The following AMOTL1 variants were observed in gnomAD, a reference collection of about 807,000 sequenced individuals.
AMOTL1 encodes angiomotin like 1, also known as angiomotin-like protein 1.
AMOTL1 carries 45 observed loss-of-function variants against 102.9 expected under a neutral mutation model. The observed-to-expected ratio is 0.44, with a 90% CI of 0.34 to 0.56. The LOEUF is 0.56. Ranked by LOEUF, AMOTL1 falls within the 20% of genes least tolerant of loss-of-function variation. The probability of loss-of-function intolerance (pLI) is 0.01; values close to 1 mark genes in which losing one functional copy is unlikely to be tolerated. For missense variants in AMOTL1, 1,114 were observed against 1,225.6 expected (o/e 0.91, Z 1.36); for synonymous variants, 481 against 484.7 (o/e 0.99, Z 0.10).
chr11:94,729,309 T>C (rs2851585), intron 2 of AMOTL1, among the ~76,000 whole-genome samples: 73,433 of 151,972 alleles, frequency 0.48, 19,228 homozygotes, highest in Non-Finnish European at 0.58. Context: ...ATGCCCACTT[T>C]GCAGTGTTAT....
At chr11:94,789,202 A>G (rs139550739) in intron 1 of AMOTL1, among the ~76,000 whole-genome samples, 4,953 of 152,302 alleles carry the variant, frequency 0.033, 126 homozygotes, top group Non-Finnish European at 0.051. Flanking sequence ...TCTGTCACCC[A>G]GGCTGGAGTG....
chr11:94,856,106 A>C (rs934984738), intron 8 of AMOTL1, among the ~76,000 whole-genome samples: 1 of 152,188 alleles, frequency 6.6e-6, no homozygotes, highest in Non-Finnish European at 1.5e-5. Flanking sequence ...TCTGCCTCCT[A>C]TGATATGAAA....
chr11:94,721,144 T>C (rs1565326604), intron 1 of AMOTL1, among the ~76,000 whole-genome samples: 1 of 152,106 alleles, frequency 6.6e-6, no homozygotes, highest in Admixed American at 6.6e-5. Flanking sequence ...AAATTCATTT[T>C]CCTTTGGGAT....
intron 8 of AMOTL1, among the ~76,000 whole-genome samples, chr11:94,854,575 C>G (rs1172602238): frequency 6.6e-6 from 1 of 152,072 alleles, no homozygotes; most frequent in African/African-American, 2.4e-5. Flanking sequence ...TGGGCTTTTT[C>G]TTATAGTCAA....
intron 4 of AMOTL1, among the ~76,000 whole-genome samples, chr11:94,825,860 A>G (rs997441951): frequency 6.6e-6 from 1 of 152,220 alleles, no homozygotes; most frequent in Non-Finnish European, 1.5e-5. Flanking sequence ...TTCCTTAGTA[A>G]TCCTTGTGTC....
intron 3 of AMOTL1, among the ~76,000 whole-genome samples, chr11:94,804,722 CTTATATA>C (rs968332306): frequency 6.6e-6 from 1 of 152,092 alleles, no homozygotes; most frequent in Non-Finnish European, 1.5e-5. Context: ...GTTCCTAAGA[CTTATATA>C]TTATAATGGA....
intron 2 of AMOTL1, among the ~76,000 whole-genome samples, chr11:94,798,927 G>A (rs1406364492): frequency 6.6e-6 from 1 of 152,146 alleles, no homozygotes; most frequent in Non-Finnish European, 1.5e-5. Context: ...CATTTGGGAA[G>A]GGGAGACAGC....
At chr11:94,717,963 C>A (rs1014416671) in intron 1 of AMOTL1, among the ~76,000 whole-genome samples, 1 of 151,838 alleles carries the variant, frequency 6.6e-6, no homozygotes, top group Non-Finnish European at 1.5e-5. Context: ...AGAAAACTTT[C>A]TTCCTCTCAT....
At chr11:94,787,506 G>A (rs187025846) in intron 1 of AMOTL1, among the ~76,000 whole-genome samples, 5 of 151,726 alleles carry the variant, frequency 3.3e-5, no homozygotes, top group South Asian at 4.2e-4. Context: ...TGGCTAACAC[G>A]GTGAAACCCC....
intron 6 of AMOTL1, among the ~76,000 whole-genome samples, chr11:94,834,026 A>C (rs1952124220): frequency 1.3e-5 from 2 of 152,226 alleles, no homozygotes; most frequent in Admixed American, 6.5e-5. Context: ...GTGCAAAGAT[A>C]CTCAGAAGGT....
At chr11:94,842,209 A>G (rs1952316267) in intron 6 of AMOTL1, among the ~76,000 whole-genome samples, 1 of 152,258 alleles carries the variant, frequency 6.6e-6, no homozygotes. Flanking sequence ...TAATTTCTTC[A>G]CATATAAGAC....
chr11:94,799,317 T>TG lies in AMOTL1; in HGVS notation c.200-72dup. 8.3e-7 allele frequency: 1 copy of TG among 1,205,702 alleles called. No individual in the cohort carries two copies. The highest frequency in any genetic ancestry group is 1.1e-6 in the Non-Finnish European group (1 of 875,300). 74.7% of individuals were successfully genotyped at this position (1,205,702 alleles called of 1,614,324 possible). A position where few individuals can be genotyped will look rare whatever the true frequency, so the allele number is the denominator to read the frequency against. ...GTTGCTGTAGTTAGAATGTTAATTA[T>TG]GTACCACATAGTCACAGACATATAT... On this transcript the variant is annotated intron_variant, in intron 2 of 12. Transcript: ENST00000433060. This position sits in a 1 kb window ranked among gnomAD's most constrained non-coding sequence, Gnocchi z 4.5.
intron 3 of AMOTL1, among the ~76,000 whole-genome samples, chr11:94,743,651 C>CTTTTTTTTTTTTTTTTTTTT (rs760828820): frequency 1.0e-5 from 1 of 98,188 alleles, no homozygotes; most frequent in African/African-American, 4.7e-5. Context: ...CACAATACTT[C>CTTTTTTTTTTTTTTTTTTTT]TTTTTTTTTT....
At chr11:94,815,206 G>A (rs751465604) in intron 3 of AMOTL1, among the ~76,000 whole-genome samples, 7 of 152,184 alleles carry the variant, frequency 4.6e-5, no homozygotes, top group East Asian at 3.8e-4. Flanking sequence ...TCTGCTAGAT[G>A]TAAAAATGTG....
chr11:94,828,747 G>T (rs982980935), intron 4 of AMOTL1, among the ~76,000 whole-genome samples: 3 of 152,174 alleles, frequency 2.0e-5, no homozygotes, highest in African/African-American at 7.2e-5. Flanking sequence ...AGGACTTTCT[G>T]ATCTGGGCAG....
intron 6 of AMOTL1, among the ~76,000 whole-genome samples, chr11:94,847,370 C>T (rs1275281451): frequency 6.6e-6 from 1 of 152,112 alleles, no homozygotes; most frequent in African/African-American, 2.4e-5. Context: ...CTAACAGGAG[C>T]TATAATTTCT....
Position 94,830,174 on chromosome 11 carries a change from A to G in AMOTL1, c.1538A>G (p.Asp513Gly), listed in dbSNP as rs1454873096. Residue 513 changes from aspartate (D) to glycine (G), a missense_variant, in exon 5 of 13, where the codon GAT becomes GGT. Physicochemically the swap from Asp to Gly is moderately conservative, Grantham distance 94. Coordinates refer to ENST00000433060, the MANE Select transcript of AMOTL1 (RefSeq NM_130847.3). The stretch of plus-strand genomic sequence containing the variant: ...GAAGGCGAGATTAGAAGACTTCATG[A>G]TTTCAACAGAGACCTCCGAGGCAGG... ...KLEGEIRRLH[D>G]FNRDLRDRLE... The G allele has an allele frequency of 1.9e-6, 3 of 1,607,724 alleles. No individual in the cohort carries two copies. Among genetic ancestry groups the G allele is most frequent in the Non-Finnish European group, 2.5e-6 (3 of 1,177,656 alleles).
chr11:94,826,503 G>A (rs2135645586), intron 4 of AMOTL1, among the ~76,000 whole-genome samples: 1 of 152,164 alleles, frequency 6.6e-6, no homozygotes, highest in East Asian at 1.9e-4. Flanking sequence ...TTGGCTTCCA[G>A]CGAGGGCTTT....
At chr11:94,839,589 A>T (rs1421758235) in intron 6 of AMOTL1, among the ~76,000 whole-genome samples, 1 of 152,208 alleles carries the variant, frequency 6.6e-6, no homozygotes, top group African/African-American at 2.4e-5. Context: ...AGAGGTGGCA[A>T]TGTTGAACTC....
Sources: gnomAD v4.1 joint callset for allele counts (sites outside exome capture counted in the v4.1 genomes callset) on GRCh38, gnomAD v4.1.1 for gene constraint, Gnocchi (gnomAD v3.1) non-coding constraint, MANE v1.5 for transcripts, NCBI Gene and HGNC (gene_info 2026-07-23, HGNC 2026-07-21) for gene names.